The following CLVS1 variants were observed in gnomAD, a reference collection of about 807,000 sequenced individuals.
CLVS1 encodes the protein clavesin-1.
Under a neutral mutation model 33.1 loss-of-function variants are expected in CLVS1, and 10 were observed. The ratio of observed to expected loss-of-function variants is 0.30; its 90% CI spans 0.19 to 0.51. CLVS1 has a LOEUF of 0.51. Among genes scored for constraint, CLVS1 ranks in the 20% least tolerant of loss-of-function variants. The probability of loss-of-function intolerance (pLI) is 0.97; values close to 1 mark genes in which losing one functional copy is unlikely to be tolerated. For synonymous variants in CLVS1, 163 were observed against 166.1 expected (o/e 0.98, Z 0.14); for missense variants, 343 against 433.4 (o/e 0.79, Z 1.85).
In CLVS1 at chr8:61,210,365, C is replaced by G. The variant is rs768512506; in HGVS notation, c.-152+78505C>G. 6.6e-5 allele frequency among the ~76,000 whole-genome samples: 10 copies of G among 152,320 alleles called. No homozygotes were observed. The South Asian group carries it at 2.1e-3, about 32-fold the overall frequency. Reference sequence around the variant, plus strand: ...CTGCCGATGTCTTGGTCTTGGACCCCCAGGCCTCAGAACTGTGAGAAATAA... The same window carrying G: ...CTGCCGATGTCTTGGTCTTGGACCCGCAGGCCTCAGAACTGTGAGAAATAA... On this transcript the variant is annotated intron_variant, in intron 2 of 2. Transcript: ENST00000522621.
At chr8:60,994,367 G>C in the CLVS1 span, among the ~76,000 whole-genome samples, 1 of 152,198 alleles carries the variant, frequency 6.6e-6, no homozygotes, top group Non-Finnish European at 1.5e-5. Flanking sequence ...TAAATTTGAG[G>C]GGGACATAAC....
chr8:61,438,530 T>C (rs1816428139), intron 3 of CLVS1, among the ~76,000 whole-genome samples: 1 of 152,226 alleles, frequency 6.6e-6, no homozygotes, highest in African/African-American at 2.4e-5. Context: ...ATATATTCCT[T>C]TGGGTATATA....
intron 3 of CLVS1, among the ~76,000 whole-genome samples, chr8:61,451,602 C>T (rs760616167): frequency 1.3e-5 from 2 of 152,086 alleles, no homozygotes; most frequent in African/African-American, 2.4e-5. Context: ...TACATCTGCT[C>T]TAGCCCTTAA....
intron 2 of CLVS1, among the ~76,000 whole-genome samples, chr8:61,312,764 C>T (rs1585787689): frequency 6.6e-6 from 1 of 152,084 alleles, no homozygotes; most frequent in Non-Finnish European, 1.5e-5. Flanking sequence ...TATTTAATCT[C>T]GACAAAATCG....
chr8:61,144,381 T>G (rs887205346), intron 2 of CLVS1, among the ~76,000 whole-genome samples: 9 of 152,218 alleles, frequency 5.9e-5, no homozygotes, highest in Non-Finnish European at 8.8e-5. Context: ...GGACATTAAC[T>G]CATCCTTTTT....
chr8:61,271,166 C>A (rs1188797223), intron 2 of CLVS1, among the ~76,000 whole-genome samples: 2 of 146,006 alleles, frequency 1.4e-5, no homozygotes, highest in East Asian at 2.0e-4. Flanking sequence ...CTATAAATTT[C>A]CCTCTACACA....
chr8:61,299,928 C>A lies in CLVS1; in HGVS notation c.101C>A (p.Thr34Asn). 1 of 1,613,948 alleles carries A rather than the reference C, an allele frequency of 6.2e-7. No individual in the cohort carries two copies. Among genetic ancestry groups the A allele is most frequent in the East Asian group, 2.2e-5 (1 of 44,884 alleles). Residue 34 changes from threonine (T) to asparagine (N), a missense_variant, in exon 2 of 6, where the codon ACT (threonine) becomes AAT (asparagine). Around this residue, in one of 4 missense-constraint regions of CLVS1, gnomAD observed 88 missense variants for 77.3 expected, o/e 1.14. Transcript: ENST00000325897. Reference sequence around the variant, plus strand: ...TTACAGGCTGGACTCAGTCCAGAGACTATAGAGAAAGCTCGCCTGGAACTG... The same window carrying A: ...TTACAGGCTGGACTCAGTCCAGAGAATATAGAGAAAGCTCGCCTGGAACTG... ...THLQAGLSPETIEKARLELNE... is the reference protein window; with the variant it reads ...THLQAGLSPENIEKARLELNE...
At chr8:61,277,945 T>C (rs973006971) in intron 2 of CLVS1, among the ~76,000 whole-genome samples, 14 of 152,166 alleles carry the variant, frequency 9.2e-5, no homozygotes, top group Non-Finnish European at 1.5e-5. Context: ...AACTAGCAGG[T>C]AAAAGTTAGT....
At chr8:61,485,333 C>A (rs1278931623) in intron 5 of CLVS1, among the ~76,000 whole-genome samples, 1 of 152,168 alleles carries the variant, frequency 6.6e-6, no homozygotes, top group Non-Finnish European at 1.5e-5. Flanking sequence ...AGTCAACAGA[C>A]ACATGAAAAA....
intron 2 of CLVS1, among the ~76,000 whole-genome samples, chr8:61,318,501 C>T (rs1172284547): frequency 1.3e-5 from 2 of 152,170 alleles, no homozygotes; most frequent in East Asian, 3.8e-4. Flanking sequence ...TTTTCAATCT[C>T]AGGACTCATG....
chr8:61,223,877 CT>C (rs1808274145), intron 2 of CLVS1, among the ~76,000 whole-genome samples: 1 of 152,028 alleles, frequency 6.6e-6, no homozygotes, highest in South Asian at 2.1e-4. Flanking sequence ...CCTTTAGATT[CT>C]TTTTTCTCTA....
intron 2 of CLVS1, among the ~76,000 whole-genome samples, chr8:61,241,698 G>T (rs4738877): frequency 0.03 from 4,611 of 152,216 alleles, 126 homozygotes; most frequent in Non-Finnish European, 0.038. Context: ...TAAAATGAGC[G>T]TATATCATAC....
At chr8:61,237,913 T>A (rs550554041) in intron 2 of CLVS1, among the ~76,000 whole-genome samples, 1 of 150,818 alleles carries the variant, frequency 6.6e-6, no homozygotes, top group African/African-American at 2.4e-5. Flanking sequence ...GTTGTATCCA[T>A]CCAGGTGCTC....
intron 1 of CLVS1, among the ~76,000 whole-genome samples, chr8:61,086,404 C>T (rs1203340435): frequency 6.6e-6 from 1 of 152,164 alleles, no homozygotes; most frequent in Non-Finnish European, 1.5e-5. Flanking sequence ...ATCTGAATTT[C>T]AGTCAAGCAA....
the CLVS1 span, among the ~76,000 whole-genome samples, chr8:61,003,069 G>A: frequency 1.3e-5 from 2 of 152,182 alleles, no homozygotes; most frequent in Non-Finnish European, 2.9e-5. Flanking sequence ...CAGACAGATA[G>A]GTAGATAGAG....
the CLVS1 span, among the ~76,000 whole-genome samples, chr8:61,050,835 C>T: frequency 1.5e-4 from 23 of 152,300 alleles, no homozygotes; most frequent in East Asian, 1.5e-3. Flanking sequence ...GGAGAGCCAC[C>T]GTATCTCTGG....
chr8:61,115,725 T>C (rs1324589174), intron 1 of CLVS1, among the ~76,000 whole-genome samples: 2 of 150,088 alleles, frequency 1.3e-5, no homozygotes, highest in African/African-American at 5.0e-5. Flanking sequence ...TATGGCTGCA[T>C]AGTATTCCAT....
chr8:61,106,724 G>A (rs1380235760), intron 1 of CLVS1, among the ~76,000 whole-genome samples: 2 of 152,170 alleles, frequency 1.3e-5, no homozygotes, highest in Non-Finnish European at 2.9e-5. Flanking sequence ...GCATTCAGAA[G>A]AATGACACAA....
the CLVS1 span, among the ~76,000 whole-genome samples, chr8:61,039,380 C>CAGT: frequency 6.6e-6 from 1 of 152,292 alleles, no homozygotes; most frequent in African/African-American, 2.4e-5. Flanking sequence ...ACACACTGTA[C>CAGT]AGTCAAGCTA....
Sources: allele counts gnomAD v4.1 joint callset (sites outside exome capture counted in the v4.1 genomes callset), GRCh38; gene constraint gnomAD v4.1.1; regional missense constraint gnomAD v4.1.1; transcripts MANE v1.5; gene names NCBI Gene and HGNC (gene_info 2026-07-23, HGNC 2026-07-21).